CDH13: variants seen among roughly 807,000 people sequenced by gnomAD.
The protein encoded by CDH13 is cadherin-13.
Under a neutral mutation model 63.8 loss-of-function variants are expected in CDH13, and 24 were observed. That is an observed-to-expected ratio of 0.38 (90% CI 0.27 to 0.53). The LOEUF (loss-of-function observed/expected upper bound fraction) is 0.53, where lower values mean the gene tolerates loss of function less well. CDH13 is among the 20% of genes least tolerant of loss of function. The pLI is 0.85. For missense variants in CDH13, 1,049 were observed against 903.1 expected, an observed-to-expected ratio of 1.16 and a Z score of -2.07; for synonymous variants, 503 against 355.3, an observed-to-expected ratio of 1.42 and a Z score of -4.67.
chr16:82,896,287 T>TTTTTTTTTTTTTTTTTTTTTG (rs2041256532), intron 2 of CDH13, among the ~76,000 whole-genome samples: 1 of 45,076 alleles, frequency 2.2e-5, no homozygotes, highest in Admixed American at 1.6e-4. Context: ...TTTTTTTTTT[T>TTTTTTTTTTTTTTTTTTTTTG]TTTTTTTTTT....
At chr16:82,945,314 C>CA (rs1464393220) in intron 2 of CDH13, among the ~76,000 whole-genome samples, 1 of 151,982 alleles carries the variant, frequency 6.6e-6, no homozygotes, top group Non-Finnish European at 1.5e-5. Flanking sequence ...AAACTTAATA[C>CA]AAAAAAACAA....
rs66521965 is a variant in CDH13 at position 83,059,793 on chromosome 16, G to GTTT, written c.366+27593_366+27595dup. Among the ~76,000 whole-genome samples, 363 of 113,032 alleles carry GTTT rather than the reference G, an allele frequency of 3.2e-3. 2 individuals are homozygous for GTTT. Among genetic ancestry groups the GTTT allele is most frequent in the African/African-American group, 0.01 (318 of 30,832 alleles). The allele number at this position is 113,032 out of a possible 152,430, so 74.2% of individuals were successfully genotyped here. A position where few individuals can be genotyped will look rare whatever the true frequency, so the allele number is the denominator to read the frequency against. ...TTTGCCTTTGTTTTTTTTTTTGTTT[G>GTTT]TTTTTTTTTTTTTTTTTTTTAGAAG... On this transcript the variant is annotated intron_variant, in intron 3 of 13. Coordinates refer to ENST00000567109, the MANE Select transcript of CDH13 (RefSeq NM_001257.5).
chr16:82,864,220 A>T (rs952208595), intron 2 of CDH13, among the ~76,000 whole-genome samples: 10 of 152,134 alleles, frequency 6.6e-5, no homozygotes, highest in Admixed American at 5.2e-4. Flanking sequence ...CTGAAGAGGC[A>T]GGGGTATTTC....
chr16:83,712,716 C>T (rs1191022960), intron 10 of CDH13, among the ~76,000 whole-genome samples: 3 of 152,214 alleles, frequency 2.0e-5, no homozygotes, highest in Non-Finnish European at 1.5e-5. Flanking sequence ...CATATTGCCA[C>T]TTGAGTTTCA....
intron 8 of CDH13, among the ~76,000 whole-genome samples, chr16:83,618,419 CAAAAAAA>C (rs563377656): frequency 7.1e-5 from 7 of 99,084 alleles, no homozygotes; most frequent in South Asian, 3.2e-4. Context: ...AGAGAGACTC[CAAAAAAA>C]AAAAAAAAGA....
In CDH13 at chr16:82,688,196, C is replaced by G. The variant is rs577947480; in HGVS notation, c.45+61059C>G. Among the ~76,000 whole-genome samples the G allele has an allele frequency of 9.3e-4, 142 of 152,286 alleles. 1 individual carries two copies. Among genetic ancestry groups the G allele is most frequent in the African/African-American group, 3.3e-3 (139 of 41,562 alleles). On this transcript the variant is annotated intron_variant, in intron 1 of 13. Coordinates refer to ENST00000567109, the MANE Select transcript of CDH13 (RefSeq NM_001257.5). ...GAACCAGCCAAGAGATCTCGTCCAA[C>G]ACTGGTATAGCCTGGCAGCAACTGC...
At chr16:83,369,544 C>A (rs1004739363) in intron 6 of CDH13, among the ~76,000 whole-genome samples, 1 of 152,050 alleles carries the variant, frequency 6.6e-6, no homozygotes, top group African/African-American at 2.4e-5. Flanking sequence ...TCAGCCTCCC[C>A]AGCAGCTAGG....
At chr16:83,420,894 C>T (rs1223099457) in intron 6 of CDH13, among the ~76,000 whole-genome samples, 2 of 152,176 alleles carry the variant, frequency 1.3e-5, no homozygotes, top group Non-Finnish European at 2.9e-5. Flanking sequence ...GCAAGAGGAA[C>T]AGGAGGAAGC....
intron 2 of CDH13, among the ~76,000 whole-genome samples, chr16:82,902,576 T>C (rs117965574): frequency 6.6e-6 from 1 of 152,216 alleles, no homozygotes; most frequent in East Asian, 1.9e-4. Flanking sequence ...TGTGTTTAGC[T>C]TCTTAACCTC....
At position 83,456,200 on chromosome 16, in the gene CDH13, T is replaced by G. The variant is rs931448542; in HGVS notation, c.782-30277T>G. On this transcript the variant is annotated intron_variant, in intron 6 of 13. Coordinates refer to ENST00000567109, the MANE Select transcript of CDH13 (RefSeq NM_001257.5). ...AGAACAGCAAACAAGGCAGACACAT[T>G]CCCTGCTCTGGAGATAGTGCCAGAC... 2.6e-5 allele frequency among the ~76,000 whole-genome samples: 4 copies of G among 152,278 alleles called. No homozygotes were observed. In the East Asian group the frequency reaches 5.8e-4, roughly 22 times the overall value.
intron 10 of CDH13, among the ~76,000 whole-genome samples, chr16:83,733,275 C>T (rs765885782): frequency 5.3e-5 from 8 of 152,308 alleles, no homozygotes; most frequent in Non-Finnish European, 7.3e-5. Flanking sequence ...ATGGTGCCTC[C>T]GGATGATGAT....
intron 7 of CDH13, among the ~76,000 whole-genome samples, chr16:83,507,809 C>T (rs531013844): frequency 7.2e-5 from 11 of 151,836 alleles, no homozygotes; most frequent in Admixed American, 5.2e-4. Flanking sequence ...CCGAGGCAGG[C>T]AGATCATGGG....
intron 1 of CDH13, among the ~76,000 whole-genome samples, chr16:82,631,580 A>G (rs1245159961): frequency 6.6e-6 from 1 of 152,162 alleles, no homozygotes; most frequent in Non-Finnish European, 1.5e-5. Context: ...GATGCTGCCA[A>G]TATAATTCCC....
intron 6 of CDH13, among the ~76,000 whole-genome samples, chr16:83,366,553 G>A (rs1180101262): frequency 2.0e-5 from 3 of 152,102 alleles, no homozygotes; most frequent in African/African-American, 4.8e-5. Flanking sequence ...CTGACAGAAC[G>A]ACATCATCCC....
intron 4 of CDH13, among the ~76,000 whole-genome samples, chr16:83,169,655 C>A (rs145248163): frequency 6.6e-6 from 1 of 151,766 alleles, no homozygotes; most frequent in South Asian, 2.1e-4. Flanking sequence ...CCTATTGATT[C>A]ATAAAGGCCC....
At chr16:82,720,306 G>A (rs2032686492) in intron 1 of CDH13, among the ~76,000 whole-genome samples, 1 of 152,112 alleles carries the variant, frequency 6.6e-6, no homozygotes, top group Admixed American at 6.5e-5. Context: ...CTTTCTTACT[G>A]CATTGTTTTT....
At chr16:83,646,037 C>G (rs1275458304) in intron 8 of CDH13, among the ~76,000 whole-genome samples, 1 of 152,154 alleles carries the variant, frequency 6.6e-6, no homozygotes, top group Non-Finnish European at 1.5e-5. Flanking sequence ...TGGGAGAAGC[C>G]TTGGAGCTGT....
intron 2 of CDH13, chr16:82,884,037 G>A (rs2040798045): frequency 9.9e-6 from 3 of 302,030 alleles, no homozygotes; most frequent in Non-Finnish European, 2.0e-5. Context: ...TGTATGAGAT[G>A]AATTATTATG....
chr16:82,677,161 A>C (rs1026733564), intron 1 of CDH13, among the ~76,000 whole-genome samples: 2 of 152,158 alleles, frequency 1.3e-5, no homozygotes, highest in Admixed American at 1.3e-4. Flanking sequence ...GAATTATAGG[A>C]GTGAGCCACT....
Sources: gnomAD v4.1 joint callset for allele counts (sites outside exome capture counted in the v4.1 genomes callset) on GRCh38, gnomAD v4.1.1 for gene constraint, MANE v1.5 for transcripts, NCBI Gene and HGNC (gene_info 2026-07-23, HGNC 2026-07-21) for gene names.